Variants in ACO1 observed in about 807,000 individuals in gnomAD.
ACO1 encodes aconitase 1, also known as cytoplasmic aconitate hydratase.
ACO1 carries 78 observed loss-of-function variants against 105.1 expected under a neutral mutation model. The ratio of observed to expected loss-of-function variants is 0.74; its 90% CI spans 0.62 to 0.90. ACO1 has a LOEUF of 0.90. ACO1 is among the 40% of genes least tolerant of loss of function. The probability of loss-of-function intolerance (pLI) is 0.00; values close to 1 mark genes in which losing one functional copy is unlikely to be tolerated. For synonymous variants in ACO1, 364 were observed against 397.4 expected (o/e 0.92, Z 1.00); for missense variants, 965 against 1,111.1 (o/e 0.87, Z 1.87).
chr9:32,444,989 T>C (rs891573248), intron 19 of ACO1, among the ~76,000 whole-genome samples: 2 of 152,190 alleles, frequency 1.3e-5, no homozygotes, highest in African/African-American at 2.4e-5. Flanking sequence ...TAGATAAGCT[T>C]TTTGATATGC....
At chr9:32,398,869 A>G (rs530736971) in intron 1 of ACO1, among the ~76,000 whole-genome samples, 1 of 152,342 alleles carries the variant, frequency 6.6e-6, no homozygotes, top group Non-Finnish European at 1.5e-5. Flanking sequence ...TGCTGGGATT[A>G]CAGGCATGAG....
chr9:32,450,802 A>C lies in ACO1; in HGVS notation c.*691A>C, dbSNP rs1263395650. On this transcript the variant is annotated 3_prime_UTR_variant, in exon 21 of 21. Transcript: ENST00000309951. ...AGGCGGTTTGGGAGAACACATTTCT[A>C]ATTTGAATGAAATGAAATCTATTTT... is the stretch of plus-strand genomic sequence containing the variant. The C allele has an allele frequency of 1.3e-5, 2 of 152,172 alleles. No homozygotes were observed. Among genetic ancestry groups the C allele is most frequent in the Non-Finnish European group, 2.9e-5 (2 of 68,048 alleles). 9.4% of individuals were successfully genotyped at this position (152,172 alleles called of 1,614,324 possible).
rs139808053 is a variant in ACO1 at position 32,407,553 on chromosome 9, A to C, written c.266+124A>C. On this transcript the variant is annotated intron_variant, in intron 3 of 20. Transcript: ENST00000309951. ...CTTTATTAATTTATGACTATATAAT[A>C]TTATATACCCATATCCAGACACTTT... is the stretch of plus-strand genomic sequence containing the variant. 1.0e-4 allele frequency: 92 copies of C among 904,972 alleles called. No individual in the cohort carries two copies. The African/African-American group carries it at 1.5e-3, about 15-fold the overall frequency. The allele number at this position is 904,972 out of a possible 1,614,324, so 56.1% of individuals were successfully genotyped here. A position where few individuals can be genotyped will look rare whatever the true frequency, so the allele number is the denominator to read the frequency against.
intron 18 of ACO1, among the ~76,000 whole-genome samples, chr9:32,438,843 A>C (rs1299615360): frequency 1.3e-5 from 2 of 152,240 alleles, no homozygotes; most frequent in Non-Finnish European, 2.9e-5. Flanking sequence ...TGTGTGGAAG[A>C]GGAGAGATTG....
At chr9:32,423,224 G>A (rs540700146) in intron 8 of ACO1, 95 bp from the exon 9 acceptor site, 93 of 661,020 alleles carry the variant, frequency 1.4e-4, no homozygotes, top group Middle Eastern at 3.8e-4. Flanking sequence ...CGTATGTTGC[G>A]TACTTACATA....
intron 4 of ACO1, among the ~76,000 whole-genome samples, chr9:32,411,940 C>T (rs1165991284): frequency 6.6e-6 from 1 of 152,094 alleles, no homozygotes; most frequent in Non-Finnish European, 1.5e-5. Context: ...GTGGCGTGAT[C>T]ACAGTCCACT....
In ACO1 at chr9:32,425,842, G is replaced by T; in HGVS notation, c.1193G>T (p.Gly398Val). 6.2e-7 allele frequency: 1 copy of T among 1,609,566 alleles called. No homozygotes were observed. Reference sequence around the variant, plus strand: ...ATACATTTTTTCTTCCTTTAGCAAGGATTTAAAGGATTCCAAGTTGCTCCT... The same window carrying T: ...ATACATTTTTTCTTCCTTTAGCAAGTATTTAAAGGATTCCAAGTTGCTCCT... ...DFESCLGAKQ[G>V]FKGFQVAPEH... The change falls in exon 11 of 21, where the codon GGA (glycine) becomes GTA (valine). Residue 398 changes from glycine to valine, a missense_variant. Physicochemically the swap from Gly to Val is moderately radical, Grantham distance 109. Coordinates refer to ENST00000309951, the MANE Select transcript of ACO1 (RefSeq NM_002197.3).
intron 11 of ACO1, 138 bp downstream of exon 11, chr9:32,426,135 C>A: frequency 4.8e-6 from 4 of 828,948 alleles, no homozygotes; most frequent in East Asian, 2.6e-5. Context: ...TATTTATTGG[C>A]CCATAAATAT....
chr9:32,436,904 G>T (rs536646193), intron 18 of ACO1, among the ~76,000 whole-genome samples: 1 of 152,182 alleles, frequency 6.6e-6, no homozygotes, highest in Non-Finnish European at 1.5e-5. Context: ...TTCCATCTCT[G>T]AGCCTTGCTT....
In ACO1 at chr9:32,418,530, A is replaced by G. The variant is rs111674920; in HGVS notation, c.658+19A>G. The G allele has an allele frequency of 2.2e-5, 35 of 1,603,030 alleles. 1 individual carries two copies. The African/African-American group carries it at 3.2e-4, about 15-fold the overall frequency. ...GGTTGGGGTGAGTGTTCTTCCATAT[A>G]TGCTGTTTTGGGGCATGCACTTTAA... On this transcript the variant is annotated intron_variant, in intron 6 of 20. Coordinates refer to ENST00000309951, the MANE Select transcript of ACO1 (RefSeq NM_002197.3).
intron 9 of ACO1, among the ~76,000 whole-genome samples, chr9:32,424,132 A>G (rs1822035031): frequency 6.6e-6 from 1 of 152,202 alleles, no homozygotes; most frequent in African/African-American, 2.4e-5. Flanking sequence ...CCTGGTGTTG[A>G]TAACTTAACG....
intron 1 of ACO1, among the ~76,000 whole-genome samples, chr9:32,402,287 T>G (rs1821513786): frequency 6.6e-6 from 1 of 152,184 alleles, no homozygotes; most frequent in Non-Finnish European, 1.5e-5. Context: ...CCAAATAGTG[T>G]GATATATGCT....
At chr9:32,416,118 G>A (rs1271439639) in intron 4 of ACO1, among the ~76,000 whole-genome samples, 1 of 136,856 alleles carries the variant, frequency 7.3e-6, no homozygotes, top group Non-Finnish European at 1.6e-5. Context: ...TTTTTGAGAT[G>A]GCGTCTTGCT....
At chr9:32,411,543 A>C (rs1218239053) in intron 4 of ACO1, among the ~76,000 whole-genome samples, 1 of 152,240 alleles carries the variant, frequency 6.6e-6, no homozygotes, top group Non-Finnish European at 1.5e-5. Context: ...TAATCCATTT[A>C]GAAAAATAAT....
At chr9:32,417,264 T>G (rs1416085736) in intron 4 of ACO1, among the ~76,000 whole-genome samples, 1 of 152,196 alleles carries the variant, frequency 6.6e-6, no homozygotes, top group African/African-American at 2.4e-5. Context: ...TTAGAATAGT[T>G]GCTGGTTCCT....
Position 32,400,358 on chromosome 9 carries a change from T to G in ACO1, c.-22-5127T>G, listed in dbSNP as rs1455406826. 4.7e-5 allele frequency among the ~76,000 whole-genome samples: 7 copies of G among 149,858 alleles called. 1 individual carries two copies. On this transcript the variant is annotated intron_variant, in intron 1 of 20. Coordinates refer to ENST00000309951, the MANE Select transcript of ACO1 (RefSeq NM_002197.3). The stretch of plus-strand genomic sequence containing the variant: ...AACAAATTTGGTATCCTGCTGAGAT[T>G]GGAAAGGGAGCTGGGGATGGGGTGG...
intron 1 of ACO1, among the ~76,000 whole-genome samples, chr9:32,390,968 G>C (rs897480799): frequency 1.3e-5 from 2 of 152,068 alleles, no homozygotes; most frequent in Admixed American, 6.6e-5. Flanking sequence ...CACTTGTATT[G>C]GATAAGAGTG....
At chr9:32,435,484 A>C (rs555378496) in intron 17 of ACO1, among the ~76,000 whole-genome samples, 10 of 152,332 alleles carry the variant, frequency 6.6e-5, no homozygotes, top group Non-Finnish European at 1.3e-4. Context: ...CCTGTAACCC[A>C]TTAAACTCTC....
intron 8 of ACO1, 115 bp from the exon 9 acceptor site, chr9:32,423,204 G>A: frequency 1.8e-6 from 1 of 569,024 alleles, no homozygotes; most frequent in Admixed American, 4.0e-5. Flanking sequence ...TGGTGTGTGT[G>A]TAAGTGCAGC....
Sources: allele counts gnomAD v4.1 joint callset (sites outside exome capture counted in the v4.1 genomes callset), GRCh38; gene constraint gnomAD v4.1.1; transcripts MANE v1.5; gene names NCBI Gene and HGNC (gene_info 2026-07-23, HGNC 2026-07-21).